Variants in CAMK1D observed in about 807,000 individuals in gnomAD.
CAMK1D encodes the protein calcium/calmodulin-dependent protein kinase type 1D.
In CAMK1D, 9 loss-of-function variants were observed where a neutral mutation model predicts 47.7. The ratio of observed to expected loss-of-function variants is 0.19; its 90% CI spans 0.11 to 0.33. CAMK1D has a LOEUF of 0.33. Ranked by LOEUF, CAMK1D falls within the 10% of genes least tolerant of loss-of-function variation. The pLI, the probability that CAMK1D is intolerant of heterozygous loss-of-function variation, is 1.00. For missense variants in CAMK1D, 291 were observed against 488.7 expected (o/e 0.60, Z 3.81); for synonymous variants, 184 against 184.9 (o/e 0.99, Z 0.04).
chr10:12,434,178 C>G (rs1214971544), intron 1 of CAMK1D, among the ~76,000 whole-genome samples: 1 of 152,150 alleles, frequency 6.6e-6, no homozygotes, highest in East Asian at 1.9e-4. Flanking sequence ...CCTTGAGTAA[C>G]TAGTCCTAAG....
intron 1 of CAMK1D, among the ~76,000 whole-genome samples, chr10:12,385,944 G>A (rs1013092319): frequency 1.2e-4 from 19 of 152,020 alleles, no homozygotes; most frequent in Middle Eastern, 6.4e-3. Flanking sequence ...CTGGGTTTCA[G>A]CATGTTGGTC....
chr10:12,733,652 C>T (rs1371806256), intron 3 of CAMK1D, among the ~76,000 whole-genome samples: 1 of 152,164 alleles, frequency 6.6e-6, no homozygotes, highest in African/African-American at 2.4e-5. Context: ...AAAATGCCAG[C>T]CAGTGGCTCT....
intron 2 of CAMK1D, among the ~76,000 whole-genome samples, chr10:12,571,577 G>C (rs1205170877): frequency 6.6e-6 from 1 of 152,138 alleles, no homozygotes; most frequent in Non-Finnish European, 1.5e-5. Context: ...ATATTTACCT[G>C]TGAAAGGCAC....
chr10:12,672,329 A>G (rs1840649536), intron 3 of CAMK1D, among the ~76,000 whole-genome samples: 1 of 151,776 alleles, frequency 6.6e-6, no homozygotes, highest in South Asian at 2.1e-4. Flanking sequence ...GTCTTTACCT[A>G]TGCAAATAAT....
chr10:12,658,908 C>T (rs1343772101), intron 2 of CAMK1D, among the ~76,000 whole-genome samples: 1 of 152,182 alleles, frequency 6.6e-6, no homozygotes, highest in African/African-American at 2.4e-5. Flanking sequence ...AAGGCAAGAA[C>T]CCCAGGATAC....
chr10:12,606,812 G>A (rs186032705), intron 2 of CAMK1D, among the ~76,000 whole-genome samples: 106 of 152,264 alleles, frequency 7.0e-4, no homozygotes, highest in African/African-American at 2.5e-3. Context: ...TCTCCAGCAA[G>A]GAAGTGACAG....
intron 6 of CAMK1D, among the ~76,000 whole-genome samples, chr10:12,813,273 C>T (rs903339596): frequency 2.0e-5 from 3 of 152,210 alleles, no homozygotes; most frequent in African/African-American, 7.2e-5. Context: ...CCTCCGCATA[C>T]TCAGTCTGGG....
Position 12,431,907 on chromosome 10 carries a change from C to G in CAMK1D, c.92+81997C>G, listed in dbSNP as rs117466204. Among the ~76,000 whole-genome samples, 599 of 152,354 alleles carry G rather than the reference C, an allele frequency of 3.9e-3. 14 individuals carry two copies. Among genetic ancestry groups the G allele is most frequent in the East Asian group, 0.031 (162 of 5,186 alleles). On this transcript the variant is annotated intron_variant, in intron 1 of 10. Coordinates refer to ENST00000619168, the MANE Select transcript of CAMK1D (RefSeq NM_153498.4). Reference sequence around the variant, plus strand: ...CTCTTCTCCTGGCGTCACAGTTCCTCCAGCTGTGTTTCCCTTTTGGCCATG... The same window carrying G: ...CTCTTCTCCTGGCGTCACAGTTCCTGCAGCTGTGTTTCCCTTTTGGCCATG...
chr10:12,637,971 G>A (rs951428522), intron 2 of CAMK1D, among the ~76,000 whole-genome samples: 2 of 152,144 alleles, frequency 1.3e-5, no homozygotes, highest in African/African-American at 2.4e-5. Flanking sequence ...AGCCCGGCCC[G>A]GTAGCCTCAT....
At chr10:12,815,203 T>A (rs1363551904) in intron 7 of CAMK1D, among the ~76,000 whole-genome samples, 1 of 152,158 alleles carries the variant, frequency 6.6e-6, no homozygotes, top group Non-Finnish European at 1.5e-5. Context: ...CACTGTTCCT[T>A]CCTCAGGGAA....
At chr10:12,460,811 C>T (rs1305242821) in intron 1 of CAMK1D, among the ~76,000 whole-genome samples, 1 of 152,156 alleles carries the variant, frequency 6.6e-6, no homozygotes, top group African/African-American at 2.4e-5. Flanking sequence ...AAGTAATCCT[C>T]CCACCTCAGC....
At chr10:12,688,246 C>T (rs74794009) in intron 3 of CAMK1D, among the ~76,000 whole-genome samples, 4,599 of 152,276 alleles carry the variant, frequency 0.03, 176 homozygotes, top group African/African-American at 0.093. Flanking sequence ...ACTGGGTGAA[C>T]ACGTGGCTTA....
intron 1 of CAMK1D, among the ~76,000 whole-genome samples, chr10:12,358,767 A>C (rs924636641): frequency 2.0e-5 from 3 of 152,124 alleles, no homozygotes; most frequent in African/African-American, 7.2e-5. Context: ...TGTTGTAAGG[A>C]TTCAGTGACA....
intron 1 of CAMK1D, among the ~76,000 whole-genome samples, chr10:12,403,983 G>GA (rs66525553): frequency 1.0e-4 from 15 of 144,036 alleles, no homozygotes; most frequent in African/African-American, 2.3e-4. Context: ...GTTGCTTTTG[G>GA]AAAAAAAAAA....
chr10:12,535,760 AAT>A (rs1835949678), intron 1 of CAMK1D, among the ~76,000 whole-genome samples: 1 of 152,080 alleles, frequency 6.6e-6, no homozygotes, highest in South Asian at 2.1e-4. Flanking sequence ...ATGTTTTGTG[AAT>A]AGTTTTGTGG....
chr10:12,733,634 T>C (rs1415940155), intron 3 of CAMK1D, among the ~76,000 whole-genome samples: 2 of 152,192 alleles, frequency 1.3e-5, no homozygotes, highest in Non-Finnish European at 2.9e-5. Context: ...TCTAGAAACA[T>C]CAGAATTAAA....
At position 12,466,805 on chromosome 10, in the gene CAMK1D, G is replaced by A. The variant is rs2132066147; in HGVS notation, c.93-86420G>A. On this transcript the variant is annotated intron_variant, in intron 1 of 10. Transcript: ENST00000619168. ...GAACGTTTTTTATGGGAAGGTCGTGGCGGCAGCTACACAGGGCTTCTTACA... is the reference window on the plus strand; with the variant it reads ...GAACGTTTTTTATGGGAAGGTCGTGACGGCAGCTACACAGGGCTTCTTACA... 1.3e-5 allele frequency among the ~76,000 whole-genome samples: 2 copies of A among 152,216 alleles called. 1 individual carries two copies. Among genetic ancestry groups the A allele is most frequent in the East Asian group, 3.9e-4 (2 of 5,170 alleles).
At chr10:12,587,892 A>T (rs1837869020) in intron 2 of CAMK1D, among the ~76,000 whole-genome samples, 1 of 152,042 alleles carries the variant, frequency 6.6e-6, no homozygotes, top group Admixed American at 6.6e-5. Context: ...TGTGCTATAG[A>T]AAGCACTTAC....
At chr10:12,514,624 AATT>A (rs1588574978) in intron 1 of CAMK1D, among the ~76,000 whole-genome samples, 1 of 152,230 alleles carries the variant, frequency 6.6e-6, no homozygotes, top group East Asian at 1.9e-4. Flanking sequence ...TATTATTGAT[AATT>A]ATGTTTTAGT....
Sources: gnomAD v4.1 joint callset for allele counts (sites outside exome capture counted in the v4.1 genomes callset) on GRCh38, gnomAD v4.1.1 for gene constraint, MANE v1.5 for transcripts, NCBI Gene and HGNC (gene_info 2026-07-23, HGNC 2026-07-21) for gene names.